The following SCRG1 variants were observed in gnomAD, a reference collection of about 807,000 sequenced individuals.
SCRG1 encodes the protein scrapie-responsive protein 1.
In SCRG1, 3 loss-of-function variants were observed where a neutral mutation model predicts 7.7. The ratio of observed to expected loss-of-function variants is 0.39; its 90% confidence interval spans 0.18 to 1.01. The LOEUF (loss-of-function observed/expected upper bound fraction) is 1.01. Among genes scored for constraint, SCRG1 ranks in the 50% least tolerant of loss-of-function variants. The probability of loss-of-function intolerance (pLI) is 0.36; values close to 1 mark genes in which losing one functional copy is unlikely to be tolerated. For synonymous variants in SCRG1, 46 were observed against 41.2 expected (o/e 1.12, Z -0.44); for missense variants, 110 against 117.2 (o/e 0.94, Z 0.28).
At chr4:173,505,204 C>A in the SCRG1 span, among the ~76,000 whole-genome samples, 1 of 152,180 alleles carries the variant, frequency 6.6e-6, no homozygotes, top group Non-Finnish European at 1.5e-5. The surrounding 1 kb of genome is among the most constrained non-coding windows in gnomAD (Gnocchi z 4.4). Flanking sequence ...CCTGACACCC[C>A]CTAGAACATC....
At chr4:173,492,625 G>A in the SCRG1 span, among the ~76,000 whole-genome samples, 59 of 152,158 alleles carry the variant, frequency 3.9e-4, 1 homozygote, top group Non-Finnish European at 7.5e-4. Flanking sequence ...TAGAGTCAGC[G>A]GCAACCATCA....
At chr4:173,429,122 G>A in the SCRG1 span, among the ~76,000 whole-genome samples, 7 of 152,134 alleles carry the variant, frequency 4.6e-5, no homozygotes, top group Admixed American at 4.6e-4. Context: ...AAAATGGAAA[G>A]AAGAATTCCA....
chr4:173,502,861 C>G, the SCRG1 span, among the ~76,000 whole-genome samples: 1 of 152,344 alleles, frequency 6.6e-6, no homozygotes, highest in South Asian at 2.1e-4. This position sits in a 1 kb window ranked among gnomAD's most constrained non-coding sequence, Gnocchi z 4.6. Context: ...CTGGCTGCAA[C>G]AGCCTAGTTT....
At chr4:173,462,553 G>A in the SCRG1 span, among the ~76,000 whole-genome samples, 2 of 152,132 alleles carry the variant, frequency 1.3e-5, no homozygotes, top group South Asian at 4.1e-4. Context: ...CACAAGAAAT[G>A]CTAAAGGGAG....
the SCRG1 span, among the ~76,000 whole-genome samples, chr4:173,502,920 T>C: frequency 6.6e-6 from 1 of 152,208 alleles, no homozygotes; most frequent in Non-Finnish European, 1.5e-5. The surrounding 1 kb of genome is among the most constrained non-coding windows in gnomAD (Gnocchi z 4.6). Context: ...TAGAAATATA[T>C]GCAAGATGTT....
the SCRG1 span, among the ~76,000 whole-genome samples, chr4:173,470,614 TTAAAG>T: frequency 6.6e-6 from 1 of 152,238 alleles, no homozygotes; most frequent in Non-Finnish European, 1.5e-5. Flanking sequence ...TTATACAACA[TTAAAG>T]TAACCATATG....
At chr4:173,481,706 T>C in the SCRG1 span, among the ~76,000 whole-genome samples, 7 of 152,274 alleles carry the variant, frequency 4.6e-5, no homozygotes, top group Admixed American at 1.3e-4. Flanking sequence ...CACTTCCACT[T>C]AATGAAAGTT....
the SCRG1 span, among the ~76,000 whole-genome samples, chr4:173,496,316 G>A: frequency 3.3e-5 from 5 of 151,680 alleles, no homozygotes; most frequent in East Asian, 9.6e-4. Flanking sequence ...TAAGGTAGGG[G>A]GTTCTTTGAA....
At chr4:173,485,089 T>TATATAATATATA in the SCRG1 span, among the ~76,000 whole-genome samples, 7 of 4,730 alleles carry the variant, frequency 1.5e-3, no homozygotes, top group African/African-American at 4.3e-3. Context: ...TATAATATAT[T>TATATAATATATA]ATATATTATA....
chr4:173,514,279 G>T, the SCRG1 span, among the ~76,000 whole-genome samples: 4 of 152,314 alleles, frequency 2.6e-5, no homozygotes, highest in Middle Eastern at 3.4e-3. Context: ...TGGAGGACTG[G>T]CTGAGCCATC....
chr4:173,494,853 T>C, the SCRG1 span, among the ~76,000 whole-genome samples: 1 of 152,244 alleles, frequency 6.6e-6, no homozygotes, highest in Non-Finnish European at 1.5e-5. Context: ...CTTAAAGTAT[T>C]ATAAACAAGC....
the SCRG1 span, among the ~76,000 whole-genome samples, chr4:173,418,649 G>C: frequency 1.3e-5 from 2 of 152,106 alleles, no homozygotes; most frequent in African/African-American, 4.8e-5. Flanking sequence ...GTCTAATATG[G>C]TTTGGGTCTG....
At chr4:173,436,108 G>A in the SCRG1 span, among the ~76,000 whole-genome samples, 8 of 152,154 alleles carry the variant, frequency 5.3e-5, no homozygotes, top group South Asian at 2.1e-4. Flanking sequence ...AAAACTCCTC[G>A]TTTTCTAATT....
chr4:173,488,032 C>T, the SCRG1 span, among the ~76,000 whole-genome samples: 2 of 151,762 alleles, frequency 1.3e-5, no homozygotes, highest in Non-Finnish European at 2.9e-5. Flanking sequence ...GCCCCAGAGG[C>T]AGAGTTGCAG....
At chr4:173,444,043 G>A in the SCRG1 span, among the ~76,000 whole-genome samples, 1 of 149,466 alleles carries the variant, frequency 6.7e-6, no homozygotes, top group Non-Finnish European at 1.5e-5. Context: ...GTGTGATCTC[G>A]GCTCACTGCG....
At chr4:173,473,653 G>A in the SCRG1 span, among the ~76,000 whole-genome samples, 2 of 152,166 alleles carry the variant, frequency 1.3e-5, no homozygotes, top group Admixed American at 6.5e-5. Context: ...GGGCTCAGTC[G>A]TAGGTGCAGG....
chr4:173,456,540 A>G, the SCRG1 span, among the ~76,000 whole-genome samples: 1 of 152,230 alleles, frequency 6.6e-6, no homozygotes, highest in Admixed American at 6.5e-5. Context: ...AAATGCTGCT[A>G]TAATTAACAT....
the SCRG1 span, chr4:173,446,662 T>G: frequency 6.6e-6 from 1 of 152,230 alleles, no homozygotes; most frequent in East Asian, 1.9e-4. Context: ...CCTGCTTGTC[T>G]GCGTCATTCC....
the SCRG1 span, among the ~76,000 whole-genome samples, chr4:173,509,627 C>T: frequency 6.6e-6 from 1 of 152,170 alleles, no homozygotes; most frequent in Non-Finnish European, 1.5e-5. The surrounding 1 kb of genome is among the most constrained non-coding windows in gnomAD (Gnocchi z 5.7). Context: ...CCCCGCGCCG[C>T]TCCCTTCCGT....
Sources: allele counts gnomAD v4.1 joint callset (sites outside exome capture counted in the v4.1 genomes callset), GRCh38; gene constraint gnomAD v4.1.1; non-coding constraint Gnocchi (gnomAD v3.1); transcripts MANE v1.5; gene names NCBI Gene and HGNC (gene_info 2026-07-23, HGNC 2026-07-21).